Variants in RNF13 observed in about 807,000 individuals in gnomAD.
The protein encoded by RNF13 is ring finger protein 13.
RNF13 carries 19 observed loss-of-function variants against 37.7 expected under a neutral mutation model. That is an observed-to-expected ratio of 0.50 (90% CI 0.35 to 0.74). The LOEUF is 0.74. Among genes scored for constraint, RNF13 ranks in the 30% least tolerant of loss-of-function variants. The pLI, the probability that RNF13 is intolerant of heterozygous loss-of-function variation, is 0.01. For missense variants in RNF13, 375 were observed against 453.0 expected (o/e 0.83, Z 1.56); for synonymous variants, 144 against 157.8 (o/e 0.91, Z 0.65).
chr3:149,933,508 A>G (rs1419807259), intron 8 of RNF13, among the ~76,000 whole-genome samples: 2 of 150,786 alleles, frequency 1.3e-5, no homozygotes, highest in African/African-American at 4.9e-5. Context: ...AATGATACTG[A>G]TTTTTGTATG....
chr3:149,831,017 G>A (rs1263693220), intron 1 of RNF13, among the ~76,000 whole-genome samples: 24 of 152,254 alleles, frequency 1.6e-4, no homozygotes, highest in Admixed American at 1.5e-3. Context: ...GTGCACAGAA[G>A]TCCAGAACTG....
At chr3:149,922,656 T>A (rs1308119211) in intron 8 of RNF13, among the ~76,000 whole-genome samples, 1 of 152,228 alleles carries the variant, frequency 6.6e-6, no homozygotes, top group Non-Finnish European at 1.5e-5. Context: ...GTAGCTGTTA[T>A]ATATCATCAC....
In RNF13 at chr3:149,910,555, A is replaced by G. The variant is rs114817384; in HGVS notation, c.501-1423A>G. Among the ~76,000 whole-genome samples, 918 of 152,312 alleles carry G rather than the reference A, an allele frequency of 6.0e-3. 7 individuals carry two copies. Among genetic ancestry groups the G allele is most frequent in the African/African-American group, 0.021 (875 of 41,564 alleles). ...AGTCTCGGAAAAAAATAAGTTGCAT[A>G]CATGTTATTTGTCTTAAGTGCTATG... On this transcript the variant is annotated intron_variant, in intron 6 of 9. Coordinates refer to ENST00000392894, the MANE Select transcript of RNF13 (RefSeq NM_183381.3).
intron 3 of RNF13, among the ~76,000 whole-genome samples, chr3:149,860,440 G>T (rs1724142923): frequency 6.6e-6 from 1 of 151,688 alleles, no homozygotes; most frequent in Non-Finnish European, 1.5e-5. Context: ...CAATGCTACA[G>T]AGTAGAGGAT....
At chr3:149,817,636 T>C (rs909172667) in intron 1 of RNF13, among the ~76,000 whole-genome samples, 6 of 152,154 alleles carry the variant, frequency 3.9e-5, no homozygotes, top group Non-Finnish European at 8.8e-5. Flanking sequence ...TGAGATTGTA[T>C]TTTACTTATA....
chr3:149,893,817 A>G (rs1386416233), intron 4 of RNF13: 2 of 152,186 alleles, frequency 1.3e-5, no homozygotes, highest in Non-Finnish European at 2.9e-5. Context: ...TTTTTTGATT[A>G]TTGACCTTTC....
intron 8 of RNF13, among the ~76,000 whole-genome samples, chr3:149,956,630 G>A (rs1017791770): frequency 6.6e-6 from 1 of 152,156 alleles, no homozygotes; most frequent in African/African-American, 2.4e-5. Flanking sequence ...TACTTTAAAA[G>A]TACCTTCATG....
In RNF13 at chr3:149,929,513, T is replaced by C. The variant is rs930175015; in HGVS notation, c.700+8286T>C. On this transcript the variant is annotated intron_variant, in intron 8 of 9. Coordinates refer to ENST00000392894, the MANE Select transcript of RNF13 (RefSeq NM_183381.3). ...GAATAGGTGTAGTTTTACTTCTTTC[T>C]TTCCAACATGGATTTATTTCATTTT... is the stretch of plus-strand genomic sequence containing the variant. Among the ~76,000 whole-genome samples the C allele has an allele frequency of 8.5e-5, 13 of 152,346 alleles. No individual in the cohort carries two copies. In the East Asian group the frequency reaches 1.2e-3, roughly 14 times the overall value.
intron 4 of RNF13, among the ~76,000 whole-genome samples, chr3:149,894,385 C>T (rs193037085): frequency 9.9e-5 from 15 of 152,274 alleles, no homozygotes; most frequent in Admixed American, 6.5e-4. Context: ...ATCCTTTTTA[C>T]ATTTGGGAAC....
At chr3:149,855,340 A>G (rs1471100116) in intron 3 of RNF13, among the ~76,000 whole-genome samples, 1 of 150,732 alleles carries the variant, frequency 6.6e-6, no homozygotes, top group African/African-American at 2.4e-5. Flanking sequence ...TAAATAAATA[A>G]CTACTCTGCA....
intron 4 of RNF13, among the ~76,000 whole-genome samples, chr3:149,874,048 A>C (rs564555154): frequency 6.6e-6 from 1 of 152,334 alleles, no homozygotes; most frequent in East Asian, 1.9e-4. Context: ...CAGTTGAGCC[A>C]TTCTAATGTT....
chr3:149,928,517 C>G (rs895795073), intron 8 of RNF13, among the ~76,000 whole-genome samples: 16 of 152,012 alleles, frequency 1.1e-4, no homozygotes, highest in Non-Finnish European at 2.4e-4. Context: ...AGGTACATTC[C>G]TTTGGTCTAT....
At chr3:149,856,054 T>A (rs758348614) in intron 3 of RNF13, among the ~76,000 whole-genome samples, 6 of 151,948 alleles carry the variant, frequency 3.9e-5, no homozygotes, top group Non-Finnish European at 7.4e-5. Context: ...TCAATTACTG[T>A]GCTACTATAA....
intron 3 of RNF13, among the ~76,000 whole-genome samples, chr3:149,870,427 T>C (rs1559919028): frequency 6.6e-6 from 1 of 151,842 alleles, no homozygotes; most frequent in East Asian, 1.9e-4. Context: ...GGCCGTAATC[T>C]CATTGCTGTA....
intron 5 of RNF13, among the ~76,000 whole-genome samples, chr3:149,899,846 A>G (rs1214531911): frequency 6.6e-6 from 1 of 152,222 alleles, no homozygotes; most frequent in Admixed American, 6.5e-5. Context: ...GAGAAAAGAG[A>G]CATTCAGAGT....
At chr3:149,825,399 G>A (rs1231451351) in intron 1 of RNF13, among the ~76,000 whole-genome samples, 2 of 152,116 alleles carry the variant, frequency 1.3e-5, no homozygotes, top group Non-Finnish European at 1.5e-5. Flanking sequence ...CCTGACCTCA[G>A]GTGATCCGCC....
chr3:149,947,099 G>T (rs1405673770), intron 8 of RNF13, among the ~76,000 whole-genome samples: 2 of 151,854 alleles, frequency 1.3e-5, no homozygotes, highest in Non-Finnish European at 2.9e-5. Context: ...CTATTGATTT[G>T]TAGTTTCATT....
chr3:149,826,465 A>G (rs1720516250), intron 1 of RNF13, among the ~76,000 whole-genome samples: 1 of 152,190 alleles, frequency 6.6e-6, no homozygotes, highest in Non-Finnish European at 1.5e-5. Context: ...CATCTCCTCC[A>G]AATTATGAAT....
At chr3:149,917,652 A>AT (rs1250012147) in intron 7 of RNF13, among the ~76,000 whole-genome samples, 2 of 152,094 alleles carry the variant, frequency 1.3e-5, no homozygotes, top group African/African-American at 4.8e-5. Context: ...CAAAATATGT[A>AT]TTTTTTTCTA....
Sources: allele counts gnomAD v4.1 joint callset (sites outside exome capture counted in the v4.1 genomes callset), GRCh38; gene constraint gnomAD v4.1.1; transcripts MANE v1.5; gene names NCBI Gene and HGNC (gene_info 2026-07-23, HGNC 2026-07-21).